PROX1: variants seen among roughly 807,000 people sequenced by gnomAD.
The protein encoded by PROX1 is prospero homeobox 1, also known as prospero homeobox protein 1.
Under a neutral mutation model 58.8 loss-of-function variants are expected in PROX1, and 7 were observed. The ratio of observed to expected loss-of-function variants is 0.12; its 90% CI spans 0.07 to 0.22. The LOEUF (loss-of-function observed/expected upper bound fraction) is 0.22. Ranked by LOEUF, PROX1 falls within the 10% of genes least tolerant of loss-of-function variation. The pLI is 1.00. For synonymous variants in PROX1, 350 were observed against 358.3 expected (o/e 0.98, Z 0.26); for missense variants, 675 against 927.8 (o/e 0.73, Z 3.54).
At chr1:213,988,581 A>G (rs1039871333) in intron 1 of PROX1, 98 bp downstream of exon 1, 1 of 152,192 alleles carries the variant, frequency 6.6e-6, no homozygotes, top group African/African-American at 2.4e-5. Context: ...AGAGCCTCCC[A>G]TTACTCAGAC....
At chr1:214,017,039 C>T (rs192976673) in intron 4 of PROX1, among the ~76,000 whole-genome samples, 5 of 152,204 alleles carry the variant, frequency 3.3e-5, no homozygotes, top group East Asian at 1.9e-4. Flanking sequence ...AGTGTAATGT[C>T]GCTTTACTTT....
At chr1:213,988,585 C>T (rs898609839) in intron 1 of PROX1, 102 bp downstream of exon 1, 1 of 152,234 alleles carries the variant, frequency 6.6e-6, no homozygotes, top group African/African-American at 2.4e-5. Flanking sequence ...CCTCCCATTA[C>T]TCAGACCCGT....
intron 1 of PROX1, among the ~76,000 whole-genome samples, chr1:213,991,902 G>A (rs1331517805): frequency 6.6e-6 from 1 of 152,184 alleles, no homozygotes; most frequent in Non-Finnish European, 1.5e-5. Flanking sequence ...AATAGATTGT[G>A]CATGATGTAT....
Position 214,006,538 on chromosome 1 carries a change from A to G in PROX1, c.1833+1266A>G, listed in dbSNP as rs1403460577. On this transcript the variant is annotated intron_variant, in intron 3 of 4. Transcript: ENST00000366958. ...TCCATCACGTAAATGTCTGGATAAG[A>G]CTAAGTGAGCACAAACAAGGCTGAG... 2.6e-5 allele frequency among the ~76,000 whole-genome samples: 4 copies of G among 152,196 alleles called. No individual in the cohort carries two copies. The East Asian group carries it at 7.7e-4, about 29-fold the overall frequency.
chr1:214,011,810 G>A, intron 4 of PROX1, 95 bp downstream of exon 4: 1 of 1,088,820 alleles, frequency 9.2e-7, no homozygotes, highest in Non-Finnish European at 1.3e-6. Flanking sequence ...TTTTGTGTTG[G>A]TTTCGCATAC....
At chr1:214,016,379 G>C (rs1284753605) in intron 4 of PROX1, among the ~76,000 whole-genome samples, 2 of 152,188 alleles carry the variant, frequency 1.3e-5, no homozygotes, top group Non-Finnish European at 2.9e-5. Context: ...AATGAGGACA[G>C]GTGGATTTAG....
In PROX1 at chr1:214,038,940, A is replaced by G. The variant is rs775704435; in HGVS notation, c.*3106A>G. 9 of 152,196 alleles carry G rather than the reference A, an allele frequency of 5.9e-5. No individual in the cohort carries two copies. Among genetic ancestry groups the G allele is most frequent in the Non-Finnish European group, 1.3e-4 (9 of 68,030 alleles). 9.4% of individuals were successfully genotyped at this position (152,196 alleles called of 1,614,324 possible). ...GTTTGAGCAGCATTCGAGTTTTGAA[A>G]ATTCTTGTAGAAGCCAATTTTTTGT... On this transcript the variant is annotated 3_prime_UTR_variant, in exon 5 of 5. Coordinates refer to ENST00000366958, the MANE Select transcript of PROX1 (RefSeq NM_001270616.2).
chr1:214,028,358 A>T (rs995342166), intron 4 of PROX1, among the ~76,000 whole-genome samples: 1 of 152,160 alleles, frequency 6.6e-6, no homozygotes, highest in Non-Finnish European at 1.5e-5. Flanking sequence ...ATCTCTAAAG[A>T]TGATTTTAAA....
At chr1:213,986,660 T>A (rs1300768844), upstream of PROX1, among the ~76,000 whole-genome samples, 1 of 152,234 alleles carries the variant, frequency 6.6e-6, no homozygotes, top group African/African-American at 2.4e-5. Context: ...CTTGTCCTCC[T>A]CCTACTTACA....
In PROX1 at chr1:213,988,403, GA is replaced by G. The variant is rs1041345087; in HGVS notation, c.-140del. 1.3e-4 allele frequency: 14 copies of G among 105,882 alleles called. No individual in the cohort carries two copies. The highest frequency in any genetic ancestry group is 4.0e-4 in the African/African-American group (13 of 32,624). The allele number at this position is 105,882 out of a possible 1,614,324, so 6.6% of individuals were successfully genotyped here. A position where few individuals can be genotyped will look rare whatever the true frequency, so the allele number is the denominator to read the frequency against. Reference sequence around the variant, plus strand: ...GCGTGTTTTCCTCTCTCTGCCGGGGGAAAAAAAAGAGAGAGAGAGAGATAGA... The same window carrying G: ...GCGTGTTTTCCTCTCTCTGCCGGGGGAAAAAAAGAGAGAGAGAGAGATAGA... On this transcript the variant is annotated 5_prime_UTR_variant, in exon 1 of 5. Transcript: ENST00000366958.
intron 2 of PROX1, among the ~76,000 whole-genome samples, chr1:214,000,770 A>T (rs913478514): frequency 6.6e-6 from 1 of 152,122 alleles, no homozygotes; most frequent in Non-Finnish European, 1.5e-5. Flanking sequence ...TTGTAGAGAG[A>T]TTGGGCCCAC....
In PROX1 at chr1:214,041,479, T is replaced by C. The variant is rs1453388357; in HGVS notation, c.*5645T>C. On this transcript the variant is annotated 3_prime_UTR_variant, in exon 5 of 5. Coordinates refer to ENST00000366958, the MANE Select transcript of PROX1 (RefSeq NM_001270616.2). The stretch of plus-strand genomic sequence containing the variant: ...CTCTCTCTGAAACATCTTTCAGGCT[T>C]AACTTTATTTAGCCCTGAAACTTAA... 1 of 151,334 alleles carries C rather than the reference T, an allele frequency of 6.6e-6. No individual in the cohort carries two copies. Among genetic ancestry groups the C allele is most frequent in the Non-Finnish European group, 1.5e-5 (1 of 67,888 alleles). The allele number at this position is 151,334 out of a possible 1,614,324, so 9.4% of individuals were successfully genotyped here.
intron 4 of PROX1, among the ~76,000 whole-genome samples, chr1:214,015,802 C>T (rs1444759214): frequency 1.3e-5 from 2 of 152,186 alleles, no homozygotes; most frequent in East Asian, 3.9e-4. Flanking sequence ...ACATTGAGCT[C>T]TCTTTCTCAT....
chr1:214,015,914 T>G (rs1350495917), intron 4 of PROX1, among the ~76,000 whole-genome samples: 1 of 152,080 alleles, frequency 6.6e-6, no homozygotes, highest in African/African-American at 2.4e-5. Flanking sequence ...GGGTCTAAGT[T>G]TCCAGTAAGA....
At chr1:214,017,846 G>T (rs1040721473) in intron 4 of PROX1, among the ~76,000 whole-genome samples, 1 of 152,102 alleles carries the variant, frequency 6.6e-6, no homozygotes, top group Non-Finnish European at 1.5e-5. Context: ...GTCCTTCAGC[G>T]ATGAGGAAAG....
Position 213,996,619 on chromosome 1 carries a change from G to A in PROX1, c.84G>A (p.Gly28=). The A allele has an allele frequency of 6.2e-7, 1 of 1,614,154 alleles. No individual in the cohort carries two copies. The highest frequency in any genetic ancestry group is 1.3e-5 in the African/African-American group (1 of 75,024). ...ACATTGGAGTGAAAAGGACGGTAGGGACAGCATCTGCATTTTTTGCTAAGG... is the reference window on the plus strand; with the variant it reads ...ACATTGGAGTGAAAAGGACGGTAGGAACAGCATCTGCATTTTTTGCTAAGG... ...RVDIGVKRTV[G]TASAFFAKAR... The change falls in exon 2 of 5, where the codon GGG becomes GGA. Residue 28 remains glycine (G), a synonymous_variant. Coordinates refer to ENST00000366958, the MANE Select transcript of PROX1 (RefSeq NM_001270616.2).
chr1:213,993,749 A>G (rs1663121556), intron 1 of PROX1, among the ~76,000 whole-genome samples: 1 of 152,214 alleles, frequency 6.6e-6, no homozygotes, highest in Non-Finnish European at 1.5e-5. Context: ...CTATTAATAT[A>G]ATGCCTTGTC....
intron 2 of PROX1, among the ~76,000 whole-genome samples, chr1:213,998,974 C>T (rs1404093015): frequency 1.3e-5 from 2 of 152,130 alleles, no homozygotes; most frequent in African/African-American, 4.8e-5. Flanking sequence ...GTGCAGCTGC[C>T]TCTATGCATG....
Position 213,997,365 on chromosome 1 carries a change from A to G in PROX1, c.830A>G (p.Asp277Gly), listed in dbSNP as rs1235707741. Residue 277 changes from aspartate to glycine, a missense_variant, in exon 2 of 5, where the codon GAC becomes GGC. Transcript: ENST00000366958. The surrounding 1 kb of genome is among the most constrained non-coding windows in gnomAD (Gnocchi z 7.1). ...ENDEDGNLSE[D>G]SMRSEILDAR... ...GATGAAGATGGTAACCTGTCTGAAG[A>G]CAGCATGCGCTCGGAGATCCTGGAT... 6.2e-7 allele frequency: 1 copy of G among 1,614,026 alleles called. No homozygotes were observed. Among genetic ancestry groups the G allele is most frequent in the African/African-American group, 1.3e-5 (1 of 74,938 alleles).
Sources: allele counts gnomAD v4.1 joint callset (sites outside exome capture counted in the v4.1 genomes callset), GRCh38; gene constraint gnomAD v4.1.1; non-coding constraint Gnocchi (gnomAD v3.1); transcripts MANE v1.5; gene names NCBI Gene and HGNC (gene_info 2026-07-23, HGNC 2026-07-21).